RAD51: variants seen among roughly 807,000 people sequenced by gnomAD.
RAD51 encodes DNA repair protein RAD51 homolog 1.
Under a neutral mutation model 41.5 loss-of-function variants are expected in RAD51, and 14 were observed. The ratio of observed to expected loss-of-function variants is 0.34; its 90% CI spans 0.22 to 0.53. The LOEUF is 0.53. RAD51 is among the 20% of genes least tolerant of loss of function. The probability of loss-of-function intolerance (pLI) is 0.95; values close to 1 mark genes in which losing one functional copy is unlikely to be tolerated. For synonymous variants in RAD51, 136 were observed against 148.6 expected, an observed-to-expected ratio of 0.92 and a Z score of 0.62; for missense variants, 234 against 422.0, an observed-to-expected ratio of 0.55 and a Z score of 3.90.
chr15:40,712,007 G>C (rs921032725), intron 5 of RAD51, among the ~76,000 whole-genome samples: 1 of 151,770 alleles, frequency 6.6e-6, no homozygotes, highest in Admixed American at 6.6e-5. Context: ...AGGAGGCCAA[G>C]GTTGCCATGA....
rs1440342552 is a variant in RAD51 at position 40,711,846 on chromosome 15, G to T, written c.435+2730G>T. 2.0e-5 allele frequency among the ~76,000 whole-genome samples: 3 copies of T among 152,128 alleles called. 1 individual carries two copies. Among genetic ancestry groups the T allele is most frequent in the South Asian group, 4.1e-4 (2 of 4,828 alleles). ...TCCCAGCACTTTGGGAGGCCACGGT[G>T]GGTGGATCGCTTGAGCTCAGGAGTT... On this transcript the variant is annotated intron_variant, in intron 5 of 9. Coordinates refer to ENST00000267868, the MANE Select transcript of RAD51 (RefSeq NM_002875.5).
Position 40,695,261 on chromosome 15 carries a change from G to C in RAD51, c.-167G>C, listed in dbSNP as rs1040588100. ...GGCGCTTCCCGAGGCGTGCAGCTGG[G>C]AACTGCAACTCATCTGGGTTGTGCG... On this transcript the variant is annotated 5_prime_UTR_variant, in exon 1 of 10. Coordinates refer to ENST00000267868, the MANE Select transcript of RAD51 (RefSeq NM_002875.5). 1 of 152,392 alleles carries C rather than the reference G, an allele frequency of 6.6e-6. No homozygotes were observed. Among genetic ancestry groups the C allele is most frequent in the African/African-American group, 2.4e-5 (1 of 41,464 alleles). The allele number at this position is 152,392 out of a possible 1,614,324, so 9.4% of individuals were successfully genotyped here.
At position 40,704,364 on chromosome 15, in the gene RAD51, T is replaced by C. The variant is rs533934692; in HGVS notation, c.226-1813T>C. 2.0e-3 allele frequency among the ~76,000 whole-genome samples: 270 copies of C among 134,890 alleles called. 1 individual carries two copies. The highest frequency in any genetic ancestry group is 7.3e-3 in the African/African-American group (258 of 35,466). The allele number at this position is 134,890 out of a possible 152,430, so 88.5% of individuals were successfully genotyped here. Reference sequence around the variant, plus strand: ...CAGTCGTGAGCCACCGCGCCAGGCCTTTTTTTTTTTTTTTTCTGATGCAGT... The same window carrying C: ...CAGTCGTGAGCCACCGCGCCAGGCCCTTTTTTTTTTTTTTTCTGATGCAGT... On this transcript the variant is annotated intron_variant, in intron 3 of 9. Transcript: ENST00000267868.
At chr15:40,711,848 G>T (rs1595996515) in intron 5 of RAD51, among the ~76,000 whole-genome samples, 1 of 152,154 alleles carries the variant, frequency 6.6e-6, no homozygotes, top group East Asian at 1.9e-4. Flanking sequence ...GCCACGGTGG[G>T]TGGATCGCTT....
chr15:40,699,135 G>A lies in RAD51; in HGVS notation c.87+290G>A, dbSNP rs8031306. 9.4e-3 allele frequency among the ~76,000 whole-genome samples: 1,432 copies of A among 152,252 alleles called. 20 individuals are homozygous for A. Among genetic ancestry groups the A allele is most frequent in the African/African-American group, 0.033 (1,373 of 41,556 alleles). ...GATCCCATGGTGGAATCTCTGTGCT[G>A]TTTTTGTTTGTTTGTTTGTTTGTTT... On this transcript the variant is annotated intron_variant, in intron 2 of 9. Coordinates refer to ENST00000267868, the MANE Select transcript of RAD51 (RefSeq NM_002875.5).
chr15:40,729,505 G>A lies in RAD51; in HGVS notation c.645G>A (p.Arg215=), dbSNP rs140361078. The part of the protein sequence containing the change: ...YQASAMMVES[R]YALLIVDSAT... The stretch of plus-strand genomic sequence containing the variant: ...TTCAGAGAATCCTTGTTTCCTGTAG[G>A]TATGCACTGCTTATTGTAGACAGTG... Residue 215 remains arginine, a splice_region_variant and synonymous_variant, in exon 8 of 10, where the codon AGG becomes AGA. Coordinates refer to ENST00000267868, the MANE Select transcript of RAD51 (RefSeq NM_002875.5). 1.7e-5 allele frequency: 28 copies of A among 1,613,332 alleles called. No homozygotes were observed. The African/African-American group carries it at 2.5e-4, about 15-fold the overall frequency.
At chr15:40,706,156 A>G in intron 3 of RAD51, 21 bp from the exon 4 acceptor site, 1 of 1,559,082 alleles carries the variant, frequency 6.4e-7, no homozygotes, top group East Asian at 2.2e-5. Flanking sequence ...TTGTTGATTT[A>G]ATATTTCTTA....
chr15:40,728,793 T>G lies in RAD51; in HGVS notation c.613T>G (p.Tyr205Asp). The change falls in exon 7 of 10, where the codon TAT (tyrosine) becomes GAT (aspartate). Residue 205 changes from tyrosine (Y) to aspartate (D), a missense_variant. By Grantham distance (160) the Tyr-to-Asp change is radical (BLOSUM62 -3). This residue lies in a region of RAD51 where 134 missense variants were observed against 286.5 expected (regional missense o/e 0.47). Transcript: ENST00000267868. ...CACAGACCACCAGACCCAGCTCCTTTATCAAGCATCAGCCATGATGGTAGA... is the reference window on the plus strand; with the variant it reads ...CACAGACCACCAGACCCAGCTCCTTGATCAAGCATCAGCCATGATGGTAGA... Reference protein sequence around the residue: ...FNTDHQTQLLYQASAMMVESR... With the variant: ...FNTDHQTQLLDQASAMMVESR... The G allele has an allele frequency of 3.1e-6, 5 of 1,613,964 alleles. No individual in the cohort carries two copies. Among genetic ancestry groups the G allele is most frequent in the Non-Finnish European group, 4.2e-6 (5 of 1,179,824 alleles).
At chr15:40,728,237 G>A (rs896294224) in intron 6 of RAD51, among the ~76,000 whole-genome samples, 1 of 152,162 alleles carries the variant, frequency 6.6e-6, no homozygotes, top group Admixed American at 6.5e-5. Context: ...GCCAAGGTGG[G>A]CGGATTATGA....
intron 5 of RAD51, among the ~76,000 whole-genome samples, chr15:40,714,039 G>A (rs1463493139): frequency 3.1e-5 from 4 of 130,654 alleles, no homozygotes; most frequent in South Asian, 2.4e-4. Context: ...ATGTTGCACC[G>A]GCTGTTCTTG....
intron 1 of RAD51, among the ~76,000 whole-genome samples, chr15:40,697,367 G>C (rs1209607921): frequency 6.6e-6 from 1 of 152,168 alleles, no homozygotes; most frequent in Non-Finnish European, 1.5e-5. Context: ...GCCTCCCAAA[G>C]TGCTGGGATT....
intron 5 of RAD51, among the ~76,000 whole-genome samples, chr15:40,716,272 T>C (rs1327609797): frequency 2.6e-5 from 4 of 152,162 alleles, no homozygotes; most frequent in South Asian, 2.1e-4. Context: ...GAACCACTTA[T>C]ATAAAAGAAG....
At chr15:40,697,811 A>T (rs1295787572) in intron 1 of RAD51, among the ~76,000 whole-genome samples, 2 of 152,092 alleles carry the variant, frequency 1.3e-5, no homozygotes, top group East Asian at 3.9e-4. Flanking sequence ...TTGGCCTCCC[A>T]AAGTGCTGGG....
chr15:40,711,212 TAGTG>T (rs1425291922), intron 5 of RAD51, among the ~76,000 whole-genome samples: 1 of 152,068 alleles, frequency 6.6e-6, no homozygotes, highest in Non-Finnish European at 1.5e-5. Flanking sequence ...CTGGGCAACA[TAGTG>T]AGACCCTGTT....
At position 40,701,059 on chromosome 15, in the gene RAD51, T is replaced by G; in HGVS notation, c.88-5T>G. The G allele has an allele frequency of 6.2e-7, 1 of 1,614,228 alleles. No individual in the cohort carries two copies. The highest frequency in any genetic ancestry group is 2.2e-5 in the East Asian group (1 of 44,884). On this transcript the variant is annotated splice_polypyrimidine_tract_variant and splice_region_variant and intron_variant, in intron 2 of 9. Coordinates refer to ENST00000267868, the MANE Select transcript of RAD51 (RefSeq NM_002875.5). ...AAATTTATCCATGGTTTTCTTCATT[T>G]GCAGCAGTGTGGCATAAATGCCAAC...
At position 40,703,338 on chromosome 15, in the gene RAD51, AG is replaced by A. The variant is rs573635680; in HGVS notation, c.225+2138del. Among the ~76,000 whole-genome samples, 483 of 152,346 alleles carry A rather than the reference AG, an allele frequency of 3.2e-3. 4 individuals are homozygous for A. The highest frequency in any genetic ancestry group is 0.011 in the African/African-American group (466 of 41,584). ...TAATCCGCCCATCTCAGTATCCCAAAGTGCTGGGATTACAGGCGTGAGCCAC... is the reference window on the plus strand; with the variant it reads ...TAATCCGCCCATCTCAGTATCCCAAATGCTGGGATTACAGGCGTGAGCCAC... On this transcript the variant is annotated intron_variant, in intron 3 of 9. Coordinates refer to ENST00000267868, the MANE Select transcript of RAD51 (RefSeq NM_002875.5).
chr15:40,696,551 A>G (rs1202725370), intron 1 of RAD51, among the ~76,000 whole-genome samples: 1 of 152,228 alleles, frequency 6.6e-6, no homozygotes, highest in African/African-American at 2.4e-5. Context: ...CCTGGGCGAT[A>G]GAGCAAGACA....
intron 6 of RAD51, among the ~76,000 whole-genome samples, chr15:40,727,459 G>A (rs758790533): frequency 3.3e-5 from 5 of 151,794 alleles, no homozygotes; most frequent in Non-Finnish European, 7.4e-5. Context: ...AGGGATTACA[G>A]GCGCCTGCAA....
intron 5 of RAD51, among the ~76,000 whole-genome samples, chr15:40,716,913 C>T (rs575297576): frequency 1.3e-5 from 2 of 152,092 alleles, no homozygotes; most frequent in Non-Finnish European, 2.9e-5. Flanking sequence ...CCACCTGCTT[C>T]GGCCTCCCAA....
Sources: allele counts gnomAD v4.1 joint callset (sites outside exome capture counted in the v4.1 genomes callset), GRCh38; gene constraint gnomAD v4.1.1; regional missense constraint gnomAD v4.1.1; transcripts MANE v1.5; gene names NCBI Gene and HGNC (gene_info 2026-07-23, HGNC 2026-07-21).